CEP97: variants seen among roughly 807,000 people sequenced by gnomAD.
CEP97 encodes the protein centrosomal protein of 97 kDa.
CEP97 carries 43 observed loss-of-function variants against 73.1 expected under a neutral mutation model. The ratio of observed to expected loss-of-function variants is 0.59; its 90% CI spans 0.46 to 0.76. CEP97 has a LOEUF of 0.76. Ranked by LOEUF, CEP97 falls within the 30% of genes least tolerant of loss-of-function variation. The pLI is 0.00. For missense variants in CEP97, 939 were observed against 1,014.0 expected, an observed-to-expected ratio of 0.93 and a Z score of 1.00; for synonymous variants, 337 against 370.0, an observed-to-expected ratio of 0.91 and a Z score of 1.02.
chr3:101,746,510 C>T (rs1316302451), intron 6 of CEP97, among the ~76,000 whole-genome samples: 3 of 150,310 alleles, frequency 2.0e-5, no homozygotes, highest in African/African-American at 7.4e-5. Flanking sequence ...TTCCTTACAC[C>T]TTATACAAAA....
In CEP97 at chr3:101,757,663, G is replaced by T; in HGVS notation, c.1057G>T (p.Gly353Trp). The T allele has an allele frequency of 6.2e-7, 1 of 1,613,566 alleles. No individual in the cohort carries two copies. The highest frequency in any genetic ancestry group is 1.1e-5 in the South Asian group (1 of 91,058). The change falls in exon 9 of 11, where the codon GGG becomes TGG. Residue 353 changes from glycine to tryptophan, a missense_variant. Physicochemically the swap from Gly to Trp is radical, Grantham distance 184. Coordinates refer to ENST00000341893, the MANE Select transcript of CEP97 (RefSeq NM_024548.4). ...EPVIQVNSWV[G>W]INSNDDQLFA... ...CGTCATTCAAGTGAATTCTTGGGTT[G>T]GGATAAACAGTAATGATGATCAGTT...
At position 101,728,877 on chromosome 3, in the gene CEP97, C is replaced by A; in HGVS notation, c.387C>A (p.Leu129=). ...ATAGCTGCACAGCTCTACAGCATCTCGATTTATCAGACAATAATATATCCC... is the reference window on the plus strand; with the variant it reads ...ATAGCTGCACAGCTCTACAGCATCTAGATTTATCAGACAATAATATATCCC... ...QINSCTALQH[L]DLSDNNISQI... is the part of the protein sequence containing the mutation. The change falls in exon 4 of 11, where the codon CTC becomes CTA. Residue 129 remains leucine (L), a synonymous_variant. Coordinates refer to ENST00000341893, the MANE Select transcript of CEP97 (RefSeq NM_024548.4). The A allele has an allele frequency of 6.2e-7, 1 of 1,608,374 alleles. No homozygotes were observed. Among genetic ancestry groups the A allele is most frequent in the Non-Finnish European group, 8.5e-7 (1 of 1,174,838 alleles).
At chr3:101,746,375 A>G (rs1190459470) in intron 6 of CEP97, among the ~76,000 whole-genome samples, 2 of 151,556 alleles carry the variant, frequency 1.3e-5, no homozygotes, top group Non-Finnish European at 1.5e-5. Context: ...ATAACGCCGC[A>G]TATCTACAAC....
rs909506899 is a variant in CEP97, at chr3:101,765,983, A to G, written c.*432A>G. 1.3e-5 allele frequency: 2 copies of G among 152,568 alleles called. No homozygotes were observed. The highest frequency in any genetic ancestry group is 4.8e-5 in the African/African-American group (2 of 41,476). 9.5% of individuals were successfully genotyped at this position (152,568 alleles called of 1,614,324 possible). A position where few individuals can be genotyped will look rare whatever the true frequency, so the allele number is the denominator to read the frequency against. On this transcript the variant is annotated 3_prime_UTR_variant, in exon 11 of 11. Transcript: ENST00000341893. ...AGGAATGAAATTTGATAAAGCAAAT[A>G]TAAATGAGAAATATGAGGATTGTGA... is the stretch of plus-strand genomic sequence containing the variant.
chr3:101,755,299 A>T, intron 6 of CEP97, 131 bp from the exon 7 acceptor site: 1 of 767,094 alleles, frequency 1.3e-6, no homozygotes, highest in Non-Finnish European at 2.1e-6. Flanking sequence ...AAAAAAATTG[A>T]GTGAATTTTA....
intron 1 of CEP97, 67 bp downstream of exon 1, chr3:101,724,786 G>C (rs1937823123): frequency 6.5e-7 from 1 of 1,530,926 alleles, no homozygotes; most frequent in Non-Finnish European, 9.0e-7. Context: ...GTGGAGAGCA[G>C]AAAACCTAGG....
intron 6 of CEP97, among the ~76,000 whole-genome samples, chr3:101,750,117 T>C (rs1279264002): frequency 7.0e-6 from 1 of 141,968 alleles, no homozygotes; most frequent in Admixed American, 7.1e-5. Flanking sequence ...CTAGGGTTTT[T>C]ATGGTTTTAG....
At chr3:101,763,326 C>A in intron 10 of CEP97, 1 of 645,014 alleles carries the variant, frequency 1.6e-6, no homozygotes, top group South Asian at 3.0e-5. Flanking sequence ...CTGTGGAATA[C>A]CATGGAATAG....
At chr3:101,764,041 G>A (rs1939242177) in intron 10 of CEP97, among the ~76,000 whole-genome samples, 2 of 152,206 alleles carry the variant, frequency 1.3e-5, no homozygotes, top group Non-Finnish European at 2.9e-5. Flanking sequence ...CCAGGGACAT[G>A]TACCATTTGT....
chr3:101,757,754 A>C lies in CEP97; in HGVS notation c.1148A>C (p.His383Pro). 1.2e-6 allele frequency: 2 copies of C among 1,614,256 alleles called. No individual in the cohort carries two copies. The highest frequency in any genetic ancestry group is 1.6e-4 in the Middle Eastern group (1 of 6,062). The stretch of plus-strand genomic sequence containing the variant: ...ACGAGATATTCTCGAAATGATCTGC[A>C]CCTGGAAGACATACAGACGGATGAG... ...HTTRYSRNDLHLEDIQTDEDK... is the reference protein window; with the variant it reads ...HTTRYSRNDLPLEDIQTDEDK... Residue 383 changes from histidine to proline, a missense_variant, in exon 9 of 11, where the codon CAC (histidine) becomes CCC (proline). His to Pro is a moderately conservative substitution (Grantham distance 77). Transcript: ENST00000341893.
intron 9 of CEP97, among the ~76,000 whole-genome samples, chr3:101,760,512 A>G (rs1346618471): frequency 1.3e-5 from 2 of 152,064 alleles, no homozygotes; most frequent in Admixed American, 1.3e-4. Context: ...AGCTGAAGAT[A>G]TTTGAGAGGG....
At chr3:101,755,977 C>T (rs1247573741) in intron 7 of CEP97, among the ~76,000 whole-genome samples, 1 of 152,124 alleles carries the variant, frequency 6.6e-6, no homozygotes, top group Non-Finnish European at 1.5e-5. Context: ...AAGCAGTTCT[C>T]CTGCTTCGGC....
intron 10 of CEP97, among the ~76,000 whole-genome samples, chr3:101,764,213 TC>T (rs1421654285): frequency 1.3e-5 from 2 of 152,160 alleles, no homozygotes. Context: ...GTGCCCGTAA[TC>T]CCAGCACTTG....
At chr3:101,757,305 A>G (rs1939036234) in intron 8 of CEP97, 109 bp downstream of exon 8, 1 of 1,217,412 alleles carries the variant, frequency 8.2e-7, no homozygotes, top group East Asian at 2.4e-5. Context: ...TAGTTTACTA[A>G]CTTCAGTAAT....
intron 6 of CEP97, among the ~76,000 whole-genome samples, chr3:101,750,266 G>T (rs1938765316): frequency 6.8e-6 from 1 of 148,020 alleles, no homozygotes; most frequent in African/African-American, 2.5e-5. Flanking sequence ...TTTCCCCATT[G>T]CTTGTTTTTC....
chr3:101,746,365 A>G (rs1938616100), intron 6 of CEP97, among the ~76,000 whole-genome samples: 1 of 151,754 alleles, frequency 6.6e-6, no homozygotes, highest in South Asian at 2.1e-4. Flanking sequence ...GCCCTCAGAA[A>G]TAACGCCGCA....
rs969222022 is a variant in CEP97, at chr3:101,767,300, T to C, written c.*1749T>C. On this transcript the variant is annotated 3_prime_UTR_variant, in exon 11 of 11. Coordinates refer to ENST00000341893, the MANE Select transcript of CEP97 (RefSeq NM_024548.4). ...TTTCCTTAGTGAAACATGTGTAACA[T>C]TGAATGCATGTTAAATAAAAATGGA... 6.6e-6 allele frequency: 1 copy of C among 152,258 alleles called. No homozygotes were observed. Among genetic ancestry groups the C allele is most frequent in the African/African-American group, 2.4e-5 (1 of 41,468 alleles). 9.4% of individuals were successfully genotyped at this position (152,258 alleles called of 1,614,324 possible).
chr3:101,764,206 C>T (rs1939245402), intron 10 of CEP97, among the ~76,000 whole-genome samples: 1 of 152,178 alleles, frequency 6.6e-6, no homozygotes, highest in Admixed American at 6.5e-5. Flanking sequence ...GTGGCTTGTG[C>T]CCGTAATCCC....
chr3:101,739,545 A>G (rs887423653), intron 6 of CEP97, among the ~76,000 whole-genome samples: 1 of 152,188 alleles, frequency 6.6e-6, no homozygotes, highest in Non-Finnish European at 1.5e-5. Flanking sequence ...ATAATCCATC[A>G]CATAAACAGA....
Sources: gnomAD v4.1 joint callset for allele counts (sites outside exome capture counted in the v4.1 genomes callset) on GRCh38, gnomAD v4.1.1 for gene constraint, MANE v1.5 for transcripts, NCBI Gene and HGNC (gene_info 2026-07-23, HGNC 2026-07-21) for gene names.